ACSM3: variants seen among roughly 807,000 people sequenced by gnomAD.
ACSM3 encodes acyl-CoA synthetase medium chain family member 3.
A neutral mutation model predicts 74.1 loss-of-function variants in ACSM3; 61 were observed. The ratio of observed to expected loss-of-function variants is 0.82; its 90% CI spans 0.67 to 1.02. The LOEUF (loss-of-function observed/expected upper bound fraction) is 1.02, where lower values mean the gene tolerates loss of function less well. ACSM3 is among the 50% of genes least tolerant of loss of function. The pLI is 0.00. For missense variants in ACSM3, 660 were observed against 697.0 expected (o/e 0.95, Z 0.60); for synonymous variants, 213 against 241.5 (o/e 0.88, Z 1.09).
At chr16:20,713,026 C>T (rs2079749305) in intron 1 of ACSM3, among the ~76,000 whole-genome samples, 1 of 151,992 alleles carries the variant, frequency 6.6e-6, no homozygotes, top group Non-Finnish European at 1.5e-5. Context: ...TTAATATATA[C>T]AAAATACTAT....
At chr16:20,781,830 G>A in intron 7 of ACSM3, 43 bp downstream of exon 7, 1 of 1,427,592 alleles carries the variant, frequency 7.0e-7, no homozygotes, top group Non-Finnish European at 9.9e-7. Context: ...GGAGAGGGGA[G>A]AAGAGGAAGC....
chr16:20,769,947 C>A (rs1254651159), intron 1 of ACSM3, 37 bp from the exon 2 acceptor site: 1 of 1,389,636 alleles, frequency 7.2e-7, no homozygotes, highest in African/African-American at 1.4e-5. Context: ...ACCTTCAGGA[C>A]AGAAACAAAT....
At chr16:20,685,831 AC>A (rs56974460) in intron 1 of ACSM3, among the ~76,000 whole-genome samples, 8,018 of 116,424 alleles carry the variant, frequency 0.069, 1,169 homozygotes, top group Non-Finnish European at 0.079. Flanking sequence ...AAAAAAAAAA[AC>A]AAACAAAAAA....
rs1469122653 is a variant in ACSM3 at position 20,709,514 on chromosome 16, A to C, written c.-190+34692A>C. Among the ~76,000 whole-genome samples, 23 of 152,160 alleles carry C rather than the reference A, an allele frequency of 1.5e-4. 1 individual carries two copies. The highest frequency in any genetic ancestry group is 1.5e-3 in the Admixed American group (23 of 15,262). On this transcript the variant is annotated intron_variant, in intron 1 of 3. Coordinates refer to the ACSM3 transcript ENST00000561584. Reference sequence around the variant, plus strand: ...AACCACTAGAAGAAAACTGCCCCTAACCCTGAAGCTAGAGGTCAACCTATT... The same window carrying C: ...AACCACTAGAAGAAAACTGCCCCTACCCCTGAAGCTAGAGGTCAACCTATT...
In ACSM3 at chr16:20,792,058, C is replaced by CA; in HGVS notation, c.1384dup (p.Arg462LysfsTer6). 1 of 1,614,072 alleles carries CA rather than the reference C, an allele frequency of 6.2e-7. No individual in the cohort carries two copies. Among genetic ancestry groups the CA allele is most frequent in the Non-Finnish European group, 8.5e-7 (1 of 1,179,972 alleles). On this transcript the variant is annotated frameshift_variant, in exon 11 of 14. Coordinates refer to ENST00000289416, the MANE Select transcript of ACSM3 (RefSeq NM_005622.4). LOFTEE classifies it high-confidence loss of function. The stretch of plus-strand genomic sequence containing the variant: ...GAGGCAATTTCTATATCACTGGGGA[C>CA]AGAGGATATATGGATAAAGATGGGT...
At chr16:20,685,355 C>T (rs1185431987) in intron 1 of ACSM3, 1 of 1,614,078 alleles carries the variant, frequency 6.2e-7, no homozygotes, top group East Asian at 2.2e-5. Flanking sequence ...ACTTCATCCC[C>T]TTGGCCATTC....
At chr16:20,777,123 G>A (rs1463301264) in intron 3 of ACSM3, among the ~76,000 whole-genome samples, 1 of 152,068 alleles carries the variant, frequency 6.6e-6, no homozygotes, top group Non-Finnish European at 1.5e-5. Context: ...TCAATGTTAG[G>A]GATGGTCTTC....
chr16:20,767,960 C>A (rs1469884258), intron 1 of ACSM3, among the ~76,000 whole-genome samples: 1 of 152,156 alleles, frequency 6.6e-6, no homozygotes, highest in Non-Finnish European at 1.5e-5. Flanking sequence ...TATTAGAACA[C>A]AGCCATGCCA....
intron 3 of ACSM3, among the ~76,000 whole-genome samples, chr16:20,755,790 C>CG (rs1281213211): frequency 9.1e-6 from 1 of 110,186 alleles, no homozygotes; most frequent in Non-Finnish European, 1.9e-5. Context: ...CCCCCCCCCC[C>CG]ACCCCACAGC....
At chr16:20,676,062 C>G (rs1336009018) in intron 1 of ACSM3, 1 of 152,248 alleles carries the variant, frequency 6.6e-6, no homozygotes, top group Non-Finnish European at 1.5e-5. Context: ...ATCTACCTCC[C>G]TTTACCAAGG....
intron 1 of ACSM3, among the ~76,000 whole-genome samples, chr16:20,688,675 A>T (rs2079597869): frequency 6.6e-6 from 1 of 152,090 alleles, no homozygotes; most frequent in Non-Finnish European, 1.5e-5. Context: ...ATCCAGAAAG[A>T]TTCTTCAAAA....
intron 1 of ACSM3, chr16:20,728,604 G>A (rs1330758118): frequency 4.8e-6 from 2 of 416,038 alleles, no homozygotes; most frequent in Non-Finnish European, 8.8e-6. Flanking sequence ...TTCATCAGCA[G>A]TAAAATGCAG....
Position 20,786,169 on chromosome 16 carries a change from C to T in ACSM3, c.1224+11C>T, listed in dbSNP as rs13306605. 6 of 1,608,630 alleles carry T rather than the reference C, an allele frequency of 3.7e-6. No homozygotes were observed. Among genetic ancestry groups the T allele is most frequent in the Admixed American group, 3.4e-5 (2 of 59,106 alleles). ...GCTTTCGATGTTAAGGTTTGCACAT[C>T]CCCTTCCAGGAGAATGTTTAACAAC... On this transcript the variant is annotated intron_variant, in intron 9 of 13. Transcript: ENST00000289416.
chr16:20,786,724 C>T (rs531603816), intron 9 of ACSM3, among the ~76,000 whole-genome samples: 1 of 152,170 alleles, frequency 6.6e-6, no homozygotes, highest in Non-Finnish European at 1.5e-5. Flanking sequence ...CAGAAGAAAC[C>T]CTATGAGAAG....
At chr16:20,675,360 G>A (rs1010225297) in intron 1 of ACSM3, among the ~76,000 whole-genome samples, 2 of 152,166 alleles carry the variant, frequency 1.3e-5, no homozygotes, top group African/African-American at 4.8e-5. Context: ...GCTCCCAGGC[G>A]AGTGTGGGGG....
chr16:20,747,921 G>A (rs1567335873), intron 1 of ACSM3, among the ~76,000 whole-genome samples: 1 of 152,094 alleles, frequency 6.6e-6, no homozygotes, highest in Non-Finnish European at 1.5e-5. Flanking sequence ...CAGGTGGATC[G>A]CTTGAGCTCA....
At chr16:20,728,497 G>C in intron 1 of ACSM3, 1 of 1,057,370 alleles carries the variant, frequency 9.5e-7, no homozygotes, top group Non-Finnish European at 1.4e-6. Context: ...GTGATATGAG[G>C]ATAGAAAGTG....
chr16:20,737,834 T>C, intron 1 of ACSM3: 1 of 1,613,968 alleles, frequency 6.2e-7, no homozygotes, highest in South Asian at 1.1e-5. Flanking sequence ...GCATATTTTT[T>C]CATATCTTCT....
chr16:20,743,393 C>A lies in ACSM3; in HGVS notation c.-189-6517C>A, dbSNP rs543024412. Among the ~76,000 whole-genome samples, 17 of 152,250 alleles carry A rather than the reference C, an allele frequency of 1.1e-4. No individual in the cohort carries two copies. In the South Asian group the frequency reaches 3.3e-3, roughly 30 times the overall value. ...GGCTGGTGTTGTTTCATGCTGCTTT[C>A]GTTGCGGCCTTTTATCCATAGTCTT... is the stretch of plus-strand genomic sequence containing the variant. On this transcript the variant is annotated intron_variant, in intron 1 of 3. Transcript: ENST00000561584.
Sources: allele counts gnomAD v4.1 joint callset (sites outside exome capture counted in the v4.1 genomes callset), GRCh38; gene constraint gnomAD v4.1.1; transcripts MANE v1.5; gene names NCBI Gene and HGNC (gene_info 2026-07-23, HGNC 2026-07-21).